Variants in PTPRM observed in about 807,000 individuals in gnomAD.
PTPRM encodes the protein protein tyrosine phosphatase receptor type M.
PTPRM carries 47 observed loss-of-function variants against 186.7 expected under a neutral mutation model. That is an observed-to-expected ratio of 0.25 (90% CI 0.20 to 0.32). The LOEUF is 0.32. PTPRM is among the 10% of genes least tolerant of loss of function. The probability of loss-of-function intolerance (pLI) is 1.00; values close to 1 mark genes in which losing one functional copy is unlikely to be tolerated. For synonymous variants in PTPRM, 668 were observed against 674.9 expected, an observed-to-expected ratio of 0.99 and a Z score of 0.16; for missense variants, 1,494 against 1,865.0, an observed-to-expected ratio of 0.80 and a Z score of 3.66.
intron 23 of PTPRM, among the ~76,000 whole-genome samples, chr18:8,370,539 G>C (rs1219611903): frequency 6.6e-6 from 1 of 152,166 alleles, no homozygotes; most frequent in East Asian, 1.9e-4. Context: ...TAATTCAAAA[G>C]AAGAGCTAAA....
chr18:7,751,958 C>T (rs907014718), intron 1 of PTPRM, among the ~76,000 whole-genome samples: 4 of 152,156 alleles, frequency 2.6e-5, no homozygotes, highest in African/African-American at 4.8e-5. Context: ...GCAAGTTTGA[C>T]GGGACATAGG....
intron 13 of PTPRM, among the ~76,000 whole-genome samples, chr18:8,136,709 G>A (rs951135410): frequency 6.6e-6 from 1 of 152,004 alleles, no homozygotes; most frequent in African/African-American, 2.4e-5. Flanking sequence ...CGCATTCCCA[G>A]GAAGAAAAAC....
chr18:8,022,245 G>A (rs1017838428), intron 7 of PTPRM, among the ~76,000 whole-genome samples: 4 of 152,062 alleles, frequency 2.6e-5, no homozygotes, highest in African/African-American at 9.7e-5. Context: ...GTAGAAGAGA[G>A]GACCACTTCA....
At chr18:8,083,019 G>T (rs573442979) in intron 9 of PTPRM, among the ~76,000 whole-genome samples, 1 of 151,912 alleles carries the variant, frequency 6.6e-6, no homozygotes, top group Non-Finnish European at 1.5e-5. Flanking sequence ...TCTAAAAGAT[G>T]CCAATTCTTT....
intron 1 of PTPRM, among the ~76,000 whole-genome samples, chr18:7,594,052 A>G (rs2037192284): frequency 6.6e-6 from 1 of 152,318 alleles, no homozygotes. Context: ...GTCACTCTAT[A>G]CGACCCTCTC....
In PTPRM at chr18:8,072,295, A is replaced by G. The variant is rs2089530438; in HGVS notation, c.1441+2301A>G. Reference sequence around the variant, plus strand: ...ATATATATTGCTAAAGCATGAACCTATTGAACACTATGGGTTTCAAATTGA... The same window carrying G: ...ATATATATTGCTAAAGCATGAACCTGTTGAACACTATGGGTTTCAAATTGA... On this transcript the variant is annotated intron_variant, in intron 8 of 32. Transcript: ENST00000580170. Among the ~76,000 whole-genome samples, 3 of 152,204 alleles carry G rather than the reference A, an allele frequency of 2.0e-5. No individual in the cohort carries two copies. In the South Asian group the frequency reaches 6.2e-4, roughly 32 times the overall value.
chr18:8,143,327 G>A (rs538480037), intron 13 of PTPRM, among the ~76,000 whole-genome samples: 2 of 152,156 alleles, frequency 1.3e-5, no homozygotes, highest in South Asian at 4.2e-4. Context: ...TTTTTAAATG[G>A]CAGAAAGAGC....
At chr18:7,936,005 G>A (rs756313098) in intron 5 of PTPRM, among the ~76,000 whole-genome samples, 6 of 152,152 alleles carry the variant, frequency 3.9e-5, no homozygotes, top group African/African-American at 9.7e-5. Flanking sequence ...TATATTCAGC[G>A]GAAGGTTCAC....
At chr18:8,211,705 G>T (rs987736441) in intron 14 of PTPRM, among the ~76,000 whole-genome samples, 5 of 152,084 alleles carry the variant, frequency 3.3e-5, no homozygotes, top group African/African-American at 1.2e-4. Context: ...GCCCAGCCAG[G>T]TCTCTTCTGA....
intron 14 of PTPRM, among the ~76,000 whole-genome samples, chr18:8,184,716 A>T (rs1276620039): frequency 6.6e-6 from 1 of 152,258 alleles, no homozygotes; most frequent in African/African-American, 2.4e-5. Flanking sequence ...AAAAAGTTAT[A>T]TGAGGATTTG....
intron 1 of PTPRM, among the ~76,000 whole-genome samples, chr18:7,684,895 T>A (rs946448223): frequency 6.6e-6 from 1 of 152,198 alleles, no homozygotes. Flanking sequence ...ATATGATGTT[T>A]CTGTTTTTAA....
At chr18:8,272,598 A>C (rs1178216290) in intron 19 of PTPRM, among the ~76,000 whole-genome samples, 3 of 152,172 alleles carry the variant, frequency 2.0e-5, no homozygotes, top group Non-Finnish European at 4.4e-5. Flanking sequence ...TGTATATTTT[A>C]GTTCTCAGTG....
At chr18:8,341,199 G>C (rs1399586054) in intron 22 of PTPRM, among the ~76,000 whole-genome samples, 1 of 152,236 alleles carries the variant, frequency 6.6e-6, no homozygotes, top group Non-Finnish European at 1.5e-5. Flanking sequence ...TCTTAGAAAT[G>C]TAAGTCGAGA....
At chr18:8,096,518 T>C (rs2091025345) in intron 11 of PTPRM, among the ~76,000 whole-genome samples, 1 of 152,226 alleles carries the variant, frequency 6.6e-6, no homozygotes, top group South Asian at 2.1e-4. Flanking sequence ...GAAAGTTACA[T>C]GCTGTTTCTT....
At chr18:7,706,975 G>A (rs754500581) in intron 1 of PTPRM, among the ~76,000 whole-genome samples, 7 of 152,060 alleles carry the variant, frequency 4.6e-5, no homozygotes, top group African/African-American at 1.4e-4. Flanking sequence ...ATAGGGGTGA[G>A]TTGGGGTGTG....
chr18:8,048,834 C>T (rs575284870), intron 7 of PTPRM, among the ~76,000 whole-genome samples: 2 of 152,160 alleles, frequency 1.3e-5, no homozygotes, highest in Non-Finnish European at 2.9e-5. Flanking sequence ...TTGGGCAAAA[C>T]TGAAATTGTA....
At chr18:7,867,385 C>A (rs1034613574) in intron 2 of PTPRM, among the ~76,000 whole-genome samples, 1 of 152,168 alleles carries the variant, frequency 6.6e-6, no homozygotes, top group Non-Finnish European at 1.5e-5. Context: ...TCTTGTATTG[C>A]AGGCCTGGTG....
At chr18:8,379,491 C>T (rs879720316) in intron 28 of PTPRM, 151 bp downstream of exon 28, 17 of 897,980 alleles carry the variant, frequency 1.9e-5, no homozygotes, top group Non-Finnish European at 2.4e-5. Flanking sequence ...TCAGATTCCA[C>T]GTATGTTTTT....
chr18:8,314,351 C>T (rs1393721966), intron 20 of PTPRM, among the ~76,000 whole-genome samples: 2 of 152,186 alleles, frequency 1.3e-5, no homozygotes, highest in East Asian at 3.9e-4. Flanking sequence ...GCTAGGATCA[C>T]ATCTGCACAT....
Sources: gnomAD v4.1 joint callset for allele counts (sites outside exome capture counted in the v4.1 genomes callset) on GRCh38, gnomAD v4.1.1 for gene constraint, MANE v1.5 for transcripts, NCBI Gene and HGNC (gene_info 2026-07-23, HGNC 2026-07-21) for gene names.